The following GFM2 variants were observed in gnomAD, a reference collection of about 807,000 sequenced individuals.
The protein encoded by GFM2 is ribosome-releasing factor 2, mitochondrial.
In GFM2, 72 loss-of-function variants were observed where a neutral mutation model predicts 95.4. The ratio of observed to expected loss-of-function variants is 0.76; its 90% CI spans 0.62 to 0.92. The LOEUF is 0.92. GFM2 is among the 40% of genes least tolerant of loss of function. The probability of loss-of-function intolerance (pLI) is 0.00; values close to 1 mark genes in which losing one functional copy is unlikely to be tolerated. For missense variants in GFM2, 825 were observed against 924.1 expected (o/e 0.89, Z 1.39); for synonymous variants, 276 against 317.5 (o/e 0.87, Z 1.39).
chr5:74,723,744 C>T (rs934722919), intron 19 of GFM2, among the ~76,000 whole-genome samples: 4 of 152,110 alleles, frequency 2.6e-5, no homozygotes, highest in Admixed American at 2.6e-4. Flanking sequence ...GTTAAAAGGA[C>T]TCTTATCTGT....
At chr5:74,747,855 C>CA in intron 7 of GFM2, 75 bp from the exon 8 acceptor site, 1 of 760,038 alleles carries the variant, frequency 1.3e-6, no homozygotes. Flanking sequence ...TGAAGAGATC[C>CA]AAAAATCTAC....
At chr5:74,728,819 C>T (rs1352730003) in intron 17 of GFM2, among the ~76,000 whole-genome samples, 5 of 129,088 alleles carry the variant, frequency 3.9e-5, no homozygotes, top group Non-Finnish European at 6.2e-5. Flanking sequence ...TGTAATGGCA[C>T]GATCTCAGCT....
chr5:74,740,456 A>C (rs1210499941), intron 11 of GFM2, among the ~76,000 whole-genome samples: 1 of 152,224 alleles, frequency 6.6e-6, no homozygotes, highest in Non-Finnish European at 1.5e-5. Flanking sequence ...TTGTGATTTA[A>C]CCTTGATAGT....
At chr5:74,743,256 T>C (rs1454429739) in intron 10 of GFM2, among the ~76,000 whole-genome samples, 1 of 152,240 alleles carries the variant, frequency 6.6e-6, no homozygotes, top group African/African-American at 2.4e-5. Context: ...TTCAATTCTT[T>C]TGAGTATATA....
chr5:74,730,338 C>G lies in GFM2; in HGVS notation c.1648G>C (p.Glu550Gln). 1 of 1,612,664 alleles carries G rather than the reference C, an allele frequency of 6.2e-7. No individual in the cohort carries two copies. The highest frequency in any genetic ancestry group is 1.1e-5 in the South Asian group (1 of 91,044). ...CCGAGATAGGTCTCCAGTCCATATT[C>G]CCTCTTGATTCGATCATGAATAATC... is the stretch of plus-strand genomic sequence containing the variant. ...IEIIHDRIKR[E>Q]YGLETYLGPL... is the part of the protein sequence containing the mutation. Residue 550 changes from glutamate (E) to glutamine (Q), a missense_variant, in exon 17 of 21, where the codon GAA becomes CAA. Coordinates refer to ENST00000296805, the MANE Select transcript of GFM2 (RefSeq NM_032380.5).
At chr5:74,731,045 T>A (rs1742536636) in intron 16 of GFM2, among the ~76,000 whole-genome samples, 2 of 152,192 alleles carry the variant, frequency 1.3e-5, no homozygotes, top group Admixed American at 1.3e-4. Flanking sequence ...ACTCGTGACC[T>A]CAGGTAATCC....
At chr5:74,736,570 G>T in intron 15 of GFM2, 3 of 1,384,650 alleles carry the variant, frequency 2.2e-6, no homozygotes, top group East Asian at 2.8e-5. Flanking sequence ...GAGTAAGGAA[G>T]AATATAATAT....
intron 5 of GFM2, among the ~76,000 whole-genome samples, chr5:74,757,691 T>A (rs1319803675): frequency 1.5e-5 from 2 of 131,214 alleles, no homozygotes; most frequent in Admixed American, 9.1e-5. Context: ...ACTGGGCCAC[T>A]GCACTCCAGC....
intron 10 of GFM2, among the ~76,000 whole-genome samples, chr5:74,743,984 C>A (rs1029227167): frequency 2.6e-5 from 4 of 152,098 alleles, no homozygotes; most frequent in African/African-American, 9.7e-5. Context: ...ACAAAAATAA[C>A]AATTATTATG....
At chr5:74,737,878 C>T (rs944937888) in intron 14 of GFM2, among the ~76,000 whole-genome samples, 9 of 152,050 alleles carry the variant, frequency 5.9e-5, no homozygotes, top group African/African-American at 2.2e-4. Flanking sequence ...GACTGTAGGG[C>T]ATTGAACAAA....
chr5:74,727,568 A>G (rs1023329281), intron 17 of GFM2, among the ~76,000 whole-genome samples: 1 of 152,186 alleles, frequency 6.6e-6, no homozygotes, highest in African/African-American at 2.4e-5. Context: ...ATGTATTATT[A>G]TAAGTATGAA....
intron 19 of GFM2, 194 bp from the exon 20 acceptor site, chr5:74,722,755 G>A: frequency 2.0e-6 from 1 of 501,630 alleles, no homozygotes. Context: ...CTTTTGTATG[G>A]TATGATGCAA....
intron 16 of GFM2, 151 bp downstream of exon 16, chr5:74,732,871 T>G (rs1742639082): frequency 2.3e-6 from 1 of 434,582 alleles, no homozygotes; most frequent in East Asian, 3.5e-5. Context: ...AAATTTGTAT[T>G]ATGAGAGAAT....
At chr5:74,745,032 T>C (rs1218031487) in intron 10 of GFM2, among the ~76,000 whole-genome samples, 1 of 152,122 alleles carries the variant, frequency 6.6e-6, no homozygotes, top group African/African-American at 2.4e-5. Context: ...TAAGGATTTA[T>C]GGTAAACTAA....
chr5:74,733,260 A>T, intron 15 of GFM2, 162 bp from the exon 16 acceptor site: 1 of 551,466 alleles, frequency 1.8e-6, no homozygotes, highest in Non-Finnish European at 3.2e-6. Context: ...GGAAGCCAAG[A>T]CAGAATGATC....
In GFM2 at chr5:74,731,318, T is replaced by G. The variant is rs374064184; in HGVS notation, c.1588-920A>C. On this transcript the variant is annotated intron_variant, in intron 16 of 20. Coordinates refer to ENST00000296805, the MANE Select transcript of GFM2 (RefSeq NM_032380.5). ...CCTTCATATGAGGGAGAAACTGACT[T>G]TTATCTTTTTTGAACCAATGAAGAC... 7.9e-5 allele frequency among the ~76,000 whole-genome samples: 12 copies of G among 152,296 alleles called. No individual in the cohort carries two copies. The East Asian group carries it at 1.2e-3, about 15-fold the overall frequency.
chr5:74,745,591 A>G, intron 10 of GFM2, 87 bp downstream of exon 10: 1 of 1,155,330 alleles, frequency 8.7e-7, no homozygotes, highest in Non-Finnish European at 1.2e-6. Context: ...TCCTGCAACC[A>G]ATCCCCGAGA....
Position 74,738,420 on chromosome 5 carries a change from G to A in GFM2, c.1221-3C>T, listed in dbSNP as rs7732843. 205,476 of 1,612,208 alleles carry A rather than the reference G, an allele frequency of 0.13. 14,627 individuals are homozygous for A. Among genetic ancestry groups the A allele is most frequent in the African/African-American group, 0.28 (20,744 of 74,834 alleles). On this transcript the variant is annotated splice_polypyrimidine_tract_variant and splice_region_variant and intron_variant, in intron 13 of 20. Transcript: ENST00000296805. ...AAAGCAGACGACTTATTCTCTCCCT[G>A]TAAAATCACAATTTTATGTTAGTAA...
In GFM2 at chr5:74,721,886, T is replaced by A; in HGVS notation, c.2212-103A>T. Reference sequence around the variant, plus strand: ...TATTAGGGAAAAGTGATGTTGCCACTTTTGTGGCTTAGCCATATCACTTCC... The same window carrying A: ...TATTAGGGAAAAGTGATGTTGCCACATTTGTGGCTTAGCCATATCACTTCC... On this transcript the variant is annotated intron_variant, in intron 20 of 20. Coordinates refer to ENST00000296805, the MANE Select transcript of GFM2 (RefSeq NM_032380.5). 2.7e-6 allele frequency: 3 copies of A among 1,098,846 alleles called. No homozygotes were observed. The South Asian group carries it at 4.7e-5, about 17-fold the overall frequency. The allele number at this position is 1,098,846 out of a possible 1,614,324, so 68.1% of individuals were successfully genotyped here. A position where few individuals can be genotyped will look rare whatever the true frequency, so the allele number is the denominator to read the frequency against.
Sources: allele counts gnomAD v4.1 joint callset (sites outside exome capture counted in the v4.1 genomes callset), GRCh38; gene constraint gnomAD v4.1.1; transcripts MANE v1.5; gene names NCBI Gene and HGNC (gene_info 2026-07-23, HGNC 2026-07-21).